The following TBC1D19 variants were observed in gnomAD, a reference collection of about 807,000 sequenced individuals.
TBC1D19 encodes the protein TBC1 domain family member 19, also known as TBC1 domain family, member 19.
A neutral mutation model predicts 89.0 loss-of-function variants in TBC1D19; 60 were observed. That is an observed-to-expected ratio of 0.67 (90% CI 0.55 to 0.84). TBC1D19 has a LOEUF of 0.84. Ranked by LOEUF, TBC1D19 falls within the 40% of genes least tolerant of loss-of-function variation. TBC1D19 has a pLI of 0.00. For synonymous variants in TBC1D19, 189 were observed against 199.7 expected (o/e 0.95, Z 0.45); for missense variants, 500 against 610.8 (o/e 0.82, Z 1.91).
At chr4:26,646,955 A>T (rs1744013035) in intron 7 of TBC1D19, among the ~76,000 whole-genome samples, 1 of 152,198 alleles carries the variant, frequency 6.6e-6, no homozygotes, top group Non-Finnish European at 1.5e-5. Context: ...ATGAAAAAGA[A>T]TAGTGACTGT....
chr4:26,673,388 A>C (rs1161771320), intron 10 of TBC1D19, among the ~76,000 whole-genome samples: 1 of 149,012 alleles, frequency 6.7e-6, no homozygotes, highest in African/African-American at 2.5e-5. Context: ...TTCCGTAGCT[A>C]TGAATTAACT....
intron 9 of TBC1D19, among the ~76,000 whole-genome samples, chr4:26,669,004 C>T (rs1378760118): frequency 6.6e-6 from 1 of 151,502 alleles, no homozygotes; most frequent in African/African-American, 2.4e-5. Context: ...CACACACACA[C>T]ACACACACAC....
At chr4:26,717,669 T>G (rs866530623) in intron 13 of TBC1D19, among the ~76,000 whole-genome samples, 1 of 152,076 alleles carries the variant, frequency 6.6e-6, no homozygotes, top group South Asian at 2.1e-4. Context: ...CTTGTCCAGA[T>G]AGAAAACACA....
chr4:26,774,567 T>C, the TBC1D19 span, among the ~76,000 whole-genome samples: 7 of 152,240 alleles, frequency 4.6e-5, no homozygotes, highest in African/African-American at 1.4e-4. Flanking sequence ...TTGATGCTAT[T>C]ATAAGTGCTG....
the TBC1D19 span, among the ~76,000 whole-genome samples, chr4:26,820,472 C>A: frequency 1.7e-4 from 26 of 152,294 alleles, no homozygotes; most frequent in South Asian, 5.4e-3. Flanking sequence ...TGACTTATTT[C>A]GACCAAGCAT....
intron 13 of TBC1D19, 90 bp downstream of exon 13, chr4:26,688,497 C>A: frequency 7.6e-6 from 10 of 1,315,496 alleles, no homozygotes; most frequent in Non-Finnish European, 9.8e-6. Context: ...TTGACTAAAT[C>A]TTTTTGTAAT....
At chr4:26,794,078 A>C in the TBC1D19 span, among the ~76,000 whole-genome samples, 2 of 152,210 alleles carry the variant, frequency 1.3e-5, no homozygotes, top group Non-Finnish European at 2.9e-5. Flanking sequence ...CATGTTCCCA[A>C]AAGGAGATTG....
chr4:26,616,273 C>T (rs1258393096), intron 3 of TBC1D19, among the ~76,000 whole-genome samples: 1 of 152,088 alleles, frequency 6.6e-6, no homozygotes, highest in East Asian at 1.9e-4. Flanking sequence ...AGTCAAATAG[C>T]ATTGGATCAG....
the TBC1D19 span, among the ~76,000 whole-genome samples, chr4:26,857,267 G>A: frequency 1.3e-5 from 2 of 152,202 alleles, no homozygotes; most frequent in African/African-American, 2.4e-5. Context: ...CCTTGTTAGC[G>A]TTTGTCGAGA....
chr4:26,755,027 A>G lies in TBC1D19; in HGVS notation c.*80A>G, dbSNP rs956120311. ...AACTATGCAAACTCTGCATAAAACC[A>G]AAATGAAACTTTGCATATAAGCCAA... On this transcript the variant is annotated 3_prime_UTR_variant, in exon 21 of 21. Coordinates refer to ENST00000264866, the MANE Select transcript of TBC1D19 (RefSeq NM_018317.4). 2.3e-6 allele frequency: 3 copies of G among 1,287,248 alleles called. No homozygotes were observed. The highest frequency in any genetic ancestry group is 1.1e-6 in the Non-Finnish European group (1 of 938,706). The allele number at this position is 1,287,248 out of a possible 1,614,324, so 79.7% of individuals were successfully genotyped here.
chr4:26,657,854 T>A (rs1744964154), intron 7 of TBC1D19, among the ~76,000 whole-genome samples: 1 of 152,210 alleles, frequency 6.6e-6, no homozygotes, highest in Admixed American at 6.5e-5. Context: ...GAGCATTTTT[T>A]ATATGTTTCT....
chr4:26,807,741 C>T, the TBC1D19 span, among the ~76,000 whole-genome samples: 1 of 152,210 alleles, frequency 6.6e-6, no homozygotes, highest in Non-Finnish European at 1.5e-5. Context: ...CCCCTACATT[C>T]TCTAGGCCAG....
chr4:26,741,530 T>G (rs1341558878), intron 17 of TBC1D19, among the ~76,000 whole-genome samples: 1 of 152,136 alleles, frequency 6.6e-6, no homozygotes, highest in Non-Finnish European at 1.5e-5. Flanking sequence ...CACTGAAGCC[T>G]GGCACTGGGC....
At position 26,584,187 on chromosome 4, in the gene TBC1D19, A is replaced by G. The variant is rs369271987; in HGVS notation, c.-7A>G. On this transcript the variant is annotated 5_prime_UTR_variant, in exon 1 of 21. Transcript: ENST00000264866. ...TCCCCGCGGCTTGGCGGGCTAGGGC[A>G]GGGGAAATGTTGCAGGAGGAGTCGG... is the stretch of plus-strand genomic sequence containing the variant. 6 of 1,607,426 alleles carry G rather than the reference A, an allele frequency of 3.7e-6. No individual in the cohort carries two copies. The highest frequency in any genetic ancestry group is 1.3e-5 in the African/African-American group (1 of 74,894).
chr4:26,750,871 C>T (rs1259426652), intron 19 of TBC1D19, among the ~76,000 whole-genome samples: 1 of 152,154 alleles, frequency 6.6e-6, no homozygotes, highest in Non-Finnish European at 1.5e-5. Context: ...TTTGGAATCA[C>T]CTTTTTCTGA....
intron 3 of TBC1D19, 108 bp from the exon 4 acceptor site, chr4:26,620,505 A>G: frequency 1.1e-6 from 1 of 888,556 alleles, no homozygotes; most frequent in Non-Finnish European, 1.7e-6. Flanking sequence ...TTTTGAATAT[A>G]AAATGAAATG....
intron 15 of TBC1D19, among the ~76,000 whole-genome samples, chr4:26,730,464 G>T (rs766944796): frequency 7.9e-5 from 12 of 151,990 alleles, no homozygotes; most frequent in Non-Finnish European, 1.3e-4. Flanking sequence ...CTTGATTGTT[G>T]AAGGCAAGTT....
intron 11 of TBC1D19, among the ~76,000 whole-genome samples, chr4:26,678,924 T>C (rs575433057): frequency 1.3e-5 from 2 of 152,302 alleles, no homozygotes; most frequent in Non-Finnish European, 2.9e-5. Context: ...TATTTTCATT[T>C]CACACTTTGC....
At chr4:26,778,395 A>G in the TBC1D19 span, among the ~76,000 whole-genome samples, 3 of 150,594 alleles carry the variant, frequency 2.0e-5, no homozygotes, top group Non-Finnish European at 3.0e-5. Flanking sequence ...CAGCCTGGAC[A>G]ACAGAGTGAG....
Sources: gnomAD v4.1 joint callset for allele counts (sites outside exome capture counted in the v4.1 genomes callset) on GRCh38, gnomAD v4.1.1 for gene constraint, MANE v1.5 for transcripts, NCBI Gene and HGNC (gene_info 2026-07-23, HGNC 2026-07-21) for gene names.